INSYN2A: variants seen among roughly 807,000 people sequenced by gnomAD.
INSYN2A encodes family with sequence similarity 196 member A.
Under a neutral mutation model 39.4 loss-of-function variants are expected in INSYN2A, and 17 were observed. The observed-to-expected ratio is 0.43, with a 90% CI of 0.30 to 0.65. The LOEUF is 0.65. Among genes scored for constraint, INSYN2A ranks in the 30% least tolerant of loss-of-function variants. The pLI is 0.14. For synonymous variants in INSYN2A, 255 were observed against 265.7 expected (o/e 0.96, Z 0.39); for missense variants, 595 against 631.2 (o/e 0.94, Z 0.61).
intron 5 of INSYN2A, among the ~76,000 whole-genome samples, chr10:127,139,008 C>T (rs2050967842): frequency 6.6e-6 from 1 of 152,166 alleles, no homozygotes; most frequent in Non-Finnish European, 1.5e-5. Flanking sequence ...TGCTTCCCTT[C>T]CCACTCACCC....
chr10:127,157,062 G>A (rs1478665892), intron 4 of INSYN2A, among the ~76,000 whole-genome samples: 2 of 152,214 alleles, frequency 1.3e-5, no homozygotes, highest in Non-Finnish European at 2.9e-5. Context: ...TCACAGTGGC[G>A]TGGGAGTGGC....
intron 1 of INSYN2A, among the ~76,000 whole-genome samples, 174 bp downstream of exon 1, chr10:127,195,823 C>T (rs1033571575): frequency 5.9e-5 from 9 of 152,184 alleles, no homozygotes; most frequent in Non-Finnish European, 1.2e-4. Context: ...GGTCCGCTCC[C>T]GGCTGCACCG....
Position 127,175,220 on chromosome 10 carries a change from A to G in INSYN2A, c.1176T>C (p.His392=). 3.7e-6 allele frequency: 6 copies of G among 1,612,504 alleles called. No individual in the cohort carries two copies. The highest frequency in any genetic ancestry group is 4.2e-6 in the Non-Finnish European group (5 of 1,179,114). The change falls in exon 4 of 6, where the codon CAT becomes CAC. Residue 392 remains histidine (H), a synonymous_variant. Transcript: ENST00000522781. The surrounding 1 kb of genome is among the most constrained non-coding windows in gnomAD (Gnocchi z 6.3). ...VIQELEKGEA[H]REGLSYRTGQ... ...TGGGTGAACATACATACCCTTCCCG[A>G]TGGGCCTCTCCTTTTTCCAACTCCT...
chr10:127,146,132 A>G (rs749117863), intron 5 of INSYN2A: 2 of 484,272 alleles, frequency 4.1e-6, no homozygotes, highest in South Asian at 1.5e-5. Context: ...TTATCTTCCC[A>G]TGAAACTGAC....
intron 5 of INSYN2A, among the ~76,000 whole-genome samples, chr10:127,153,626 C>G (rs982085707): frequency 3.3e-5 from 5 of 152,198 alleles, no homozygotes; most frequent in Non-Finnish European, 7.3e-5. Flanking sequence ...CTTGAAACCA[C>G]TAAGATACAT....
intron 5 of INSYN2A, among the ~76,000 whole-genome samples, chr10:127,139,464 C>T (rs966737868): frequency 2.6e-5 from 4 of 151,908 alleles, no homozygotes; most frequent in Non-Finnish European, 5.9e-5. Context: ...ATCCTTTTCC[C>T]TTTTTTCGAA....
At chr10:127,178,499 C>T (rs1298279000) in intron 2 of INSYN2A, among the ~76,000 whole-genome samples, 1 of 152,194 alleles carries the variant, frequency 6.6e-6, no homozygotes. Context: ...CCAGCCATTA[C>T]CAGATGAGCC....
intron 4 of INSYN2A, among the ~76,000 whole-genome samples, chr10:127,156,757 G>A (rs1214479594): frequency 6.6e-6 from 1 of 151,628 alleles, no homozygotes; most frequent in Non-Finnish European, 1.5e-5. Flanking sequence ...TAGTAGAGAC[G>A]GGGTTTCTCT....
At chr10:127,195,227 C>T (rs913783111) in intron 1 of INSYN2A, among the ~76,000 whole-genome samples, 2 of 152,214 alleles carry the variant, frequency 1.3e-5, no homozygotes, top group African/African-American at 4.8e-5. Context: ...TGACTTTGGG[C>T]TCCAGGAGCT....
chr10:127,187,354 T>A (rs2134046058), intron 2 of INSYN2A, among the ~76,000 whole-genome samples: 1 of 152,332 alleles, frequency 6.6e-6, no homozygotes, highest in Non-Finnish European at 1.5e-5. Context: ...GAGTAAGCAG[T>A]ACTGATGATC....
At chr10:127,147,322 G>C (rs550110219) in intron 5 of INSYN2A, among the ~76,000 whole-genome samples, 7 of 152,278 alleles carry the variant, frequency 4.6e-5, no homozygotes, top group African/African-American at 1.7e-4. Context: ...GTTCCTGCCA[G>C]TTGTTCCTAA....
At chr10:127,184,464 T>A (rs1158793414) in intron 2 of INSYN2A, among the ~76,000 whole-genome samples, 1 of 151,428 alleles carries the variant, frequency 6.6e-6, no homozygotes, top group East Asian at 1.9e-4. Context: ...TGCCCTCAGC[T>A]CTCCATTCCC....
intron 1 of INSYN2A, among the ~76,000 whole-genome samples, chr10:127,195,096 C>T (rs2057015595): frequency 6.6e-6 from 1 of 152,224 alleles, no homozygotes; most frequent in Non-Finnish European, 1.5e-5. Context: ...GCTCCCTCTC[C>T]CTGTGGCATA....
intron 4 of INSYN2A, among the ~76,000 whole-genome samples, chr10:127,154,699 G>T (rs2052862215): frequency 6.6e-6 from 1 of 152,118 alleles, no homozygotes; most frequent in African/African-American, 2.4e-5. Flanking sequence ...GGTCAGTTCT[G>T]TCAGACCCCT....
intron 1 of INSYN2A, among the ~76,000 whole-genome samples, chr10:127,194,904 G>T (rs2056996892): frequency 2.0e-5 from 1 of 49,408 alleles, no homozygotes; most frequent in Admixed American, 2.0e-4. Context: ...AAAGTAAACC[G>T]CTTCACCGCT....
chr10:127,195,613 A>G (rs1224425594), intron 1 of INSYN2A, among the ~76,000 whole-genome samples: 1 of 150,940 alleles, frequency 6.6e-6, no homozygotes, highest in Non-Finnish European at 1.5e-5. Context: ...TTCCGGGGAG[A>G]CGGCCGCCCC....
intron 2 of INSYN2A, among the ~76,000 whole-genome samples, chr10:127,190,814 C>T (rs1025502329): frequency 6.6e-6 from 1 of 151,716 alleles, no homozygotes; most frequent in Admixed American, 6.6e-5. Flanking sequence ...AGGTTTTACT[C>T]ATAGCTGCCC....
At chr10:127,177,618 C>T (rs1254103802) in intron 2 of INSYN2A, among the ~76,000 whole-genome samples, 2 of 152,202 alleles carry the variant, frequency 1.3e-5, no homozygotes, top group Middle Eastern at 3.2e-3. Context: ...GTGAGAGCTG[C>T]ACAGAAACAG....
chr10:127,165,357 G>T (rs940091862), intron 4 of INSYN2A, among the ~76,000 whole-genome samples: 4 of 152,142 alleles, frequency 2.6e-5, no homozygotes, highest in Non-Finnish European at 5.9e-5. Flanking sequence ...AGCTCTTGTT[G>T]CCAAAGACTA....
Sources: allele counts gnomAD v4.1 joint callset (sites outside exome capture counted in the v4.1 genomes callset), GRCh38; gene constraint gnomAD v4.1.1; non-coding constraint Gnocchi (gnomAD v3.1); transcripts MANE v1.5; gene names NCBI Gene and HGNC (gene_info 2026-07-23, HGNC 2026-07-21).